LRFN2: variants seen among roughly 807,000 people sequenced by gnomAD.
The protein encoded by LRFN2 is leucine-rich repeat and fibronectin type-III domain-containing protein 2.
LRFN2 carries 18 observed loss-of-function variants against 37.3 expected under a neutral mutation model. The observed-to-expected ratio is 0.48, with a 90% CI of 0.33 to 0.72. The LOEUF is 0.72. Among genes scored for constraint, LRFN2 ranks in the 30% least tolerant of loss-of-function variants. LRFN2 has a pLI of 0.02. For synonymous variants in LRFN2, 556 were observed against 466.6 expected (o/e 1.19, Z -2.47); for missense variants, 1,006 against 1,060.7 (o/e 0.95, Z 0.72).
intron 1 of LRFN2, among the ~76,000 whole-genome samples, chr6:40,436,097 C>T (rs1763667135): frequency 6.6e-6 from 1 of 152,084 alleles, no homozygotes; most frequent in South Asian, 2.1e-4. Context: ...ATATAACTAG[C>T]TATATCAAAA....
intron 2 of LRFN2, among the ~76,000 whole-genome samples, chr6:40,400,481 C>T (rs1762715863): frequency 7.0e-6 from 1 of 142,176 alleles, no homozygotes; most frequent in African/African-American, 2.6e-5. Context: ...AGTGCAATGG[C>T]ATGATCTTGG....
chr6:40,497,107 A>G (rs1430010578), intron 1 of LRFN2, among the ~76,000 whole-genome samples: 2 of 152,136 alleles, frequency 1.3e-5, no homozygotes, highest in Non-Finnish European at 2.9e-5. Context: ...AGAGAAGTTT[A>G]TAGCATCCCA....
rs183998672 is a variant in LRFN2 at position 40,536,082 on chromosome 6, G to A, written c.-19+50859C>T. On this transcript the variant is annotated intron_variant, in intron 1 of 2. Coordinates refer to ENST00000338305, the MANE Select transcript of LRFN2 (RefSeq NM_020737.3). The stretch of plus-strand genomic sequence containing the variant: ...GGCCAGCTGCATGTGACCAGTCACC[G>A]GAGGTTCTGCTTCAAGCAGAGGCAG... 3.7e-3 allele frequency among the ~76,000 whole-genome samples: 559 copies of A among 152,196 alleles called. 2 individuals carry two copies. Among genetic ancestry groups the A allele is most frequent in the African/African-American group, 0.012 (513 of 41,538 alleles).
chr6:40,500,521 C>A (rs908908025), intron 1 of LRFN2, among the ~76,000 whole-genome samples: 3 of 152,192 alleles, frequency 2.0e-5, no homozygotes, highest in African/African-American at 7.2e-5. Flanking sequence ...CTTAAAGATT[C>A]TGGAGAGGAG....
chr6:40,406,507 G>T (rs114867857), intron 2 of LRFN2, among the ~76,000 whole-genome samples: 262 of 152,278 alleles, frequency 1.7e-3, no homozygotes, highest in African/African-American at 6.1e-3. Context: ...ACCATGCACA[G>T]ATCCTAGGAA....
Position 40,391,809 on chromosome 6 carries a change from C to A in LRFN2, c.*134G>T. On this transcript the variant is annotated 3_prime_UTR_variant, in exon 3 of 3. Coordinates refer to ENST00000338305, the MANE Select transcript of LRFN2 (RefSeq NM_020737.3). ...GGGTGTTGCGGGGTAGGGGGGGACA[C>A]GAGGCCATTGACAGGGAGACGAAAC... 1 of 910,282 alleles carries A rather than the reference C, an allele frequency of 1.1e-6. No homozygotes were observed. Among genetic ancestry groups the A allele is most frequent in the East Asian group, 3.1e-5 (1 of 32,048 alleles). 56.4% of individuals were successfully genotyped at this position (910,282 alleles called of 1,614,324 possible). A position where few individuals can be genotyped will look rare whatever the true frequency, so the allele number is the denominator to read the frequency against.
chr6:40,448,749 C>T (rs887357521), intron 1 of LRFN2, among the ~76,000 whole-genome samples: 1 of 152,210 alleles, frequency 6.6e-6, no homozygotes, highest in Non-Finnish European at 1.5e-5. Context: ...ACACCATATA[C>T]ATGTTTCCTG....
chr6:40,487,039 G>A (rs950200055), intron 1 of LRFN2, among the ~76,000 whole-genome samples: 1 of 152,098 alleles, frequency 6.6e-6, no homozygotes, highest in Non-Finnish European at 1.5e-5. Context: ...ACCTGGGAGG[G>A]GATGGCGTTG....
At chr6:40,400,421 C>CTT (rs34460828) in intron 2 of LRFN2, among the ~76,000 whole-genome samples, 4,844 of 128,594 alleles carry the variant, frequency 0.038, 256 homozygotes, top group African/African-American at 0.097. Flanking sequence ...GGTACTTTTC[C>CTT]TTTTTTTTTT....
At chr6:40,426,646 T>C (rs1008185782) in intron 2 of LRFN2, among the ~76,000 whole-genome samples, 5 of 152,232 alleles carry the variant, frequency 3.3e-5, no homozygotes, top group African/African-American at 1.2e-4. Flanking sequence ...CGCATGTGTC[T>C]ATATGTGTGC....
intron 1 of LRFN2, among the ~76,000 whole-genome samples, chr6:40,479,799 C>A (rs533038321): frequency 4.1e-4 from 63 of 152,334 alleles, no homozygotes; most frequent in African/African-American, 1.2e-3. Flanking sequence ...GGTTTGAAGA[C>A]CATGCCAGGA....
chr6:40,571,489 T>G (rs1208382581), intron 1 of LRFN2, among the ~76,000 whole-genome samples: 1 of 152,152 alleles, frequency 6.6e-6, no homozygotes, highest in Non-Finnish European at 1.5e-5. Flanking sequence ...ATCATTTCCC[T>G]AACCCCCAGC....
Position 40,433,117 on chromosome 6 carries a change from C to A in LRFN2, c.-4G>T. On this transcript the variant is annotated 5_prime_UTR_variant, in exon 2 of 3. Transcript: ENST00000338305. ...GGCCACCAAGCAGGGTCTCCATGGT[C>A]TGGTCACTCAGCGCCTGGAAGGGAG... 6.6e-7 allele frequency: 1 copy of A among 1,518,582 alleles called. No homozygotes were observed. Among genetic ancestry groups the A allele is most frequent in the South Asian group, 1.3e-5 (1 of 75,076 alleles). The allele number at this position is 1,518,582 out of a possible 1,614,324, so 94.1% of individuals were successfully genotyped here. A position where few individuals can be genotyped will look rare whatever the true frequency, so the allele number is the denominator to read the frequency against.
chr6:40,528,984 T>C (rs1766303484), intron 1 of LRFN2, among the ~76,000 whole-genome samples: 1 of 152,168 alleles, frequency 6.6e-6, no homozygotes, highest in Admixed American at 6.5e-5. Flanking sequence ...CCTGGGTGGC[T>C]CCTGCTTCTC....
chr6:40,511,853 A>G (rs1455672016), intron 1 of LRFN2, among the ~76,000 whole-genome samples: 1 of 152,210 alleles, frequency 6.6e-6, no homozygotes, highest in Non-Finnish European at 1.5e-5. Flanking sequence ...GTTTTCTACA[A>G]AGGAGAAATG....
intron 1 of LRFN2, among the ~76,000 whole-genome samples, chr6:40,531,896 G>A (rs1766350688): frequency 6.6e-6 from 1 of 152,084 alleles, no homozygotes; most frequent in Non-Finnish European, 1.5e-5. Context: ...TTCTGTCCAA[G>A]AACCCCACTA....
chr6:40,483,899 T>C (rs1225079254), intron 1 of LRFN2, among the ~76,000 whole-genome samples: 1 of 152,210 alleles, frequency 6.6e-6, no homozygotes. Flanking sequence ...CACAGTCTCC[T>C]GCCCACCACA....
chr6:40,400,231 G>A (rs774499819), intron 2 of LRFN2, among the ~76,000 whole-genome samples: 7 of 151,728 alleles, frequency 4.6e-5, no homozygotes, highest in Admixed American at 1.3e-4. Context: ...TGCTGATCAC[G>A]ATGTCTGGCC....
intron 1 of LRFN2, among the ~76,000 whole-genome samples, chr6:40,462,225 C>T (rs1764363080): frequency 6.6e-6 from 1 of 152,170 alleles, no homozygotes; most frequent in Non-Finnish European, 1.5e-5. Flanking sequence ...CGTTCTTAAC[C>T]CTGGCTTGGT....
Sources: gnomAD v4.1 joint callset for allele counts (sites outside exome capture counted in the v4.1 genomes callset) on GRCh38, gnomAD v4.1.1 for gene constraint, MANE v1.5 for transcripts, NCBI Gene and HGNC (gene_info 2026-07-23, HGNC 2026-07-21) for gene names.